The following CMIP variants were observed in gnomAD, a reference collection of about 807,000 sequenced individuals.
The protein encoded by CMIP is C-Maf-inducing protein.
In CMIP, 13 loss-of-function variants were observed where a neutral mutation model predicts 97.3. The ratio of observed to expected loss-of-function variants is 0.13; its 90% CI spans 0.09 to 0.21. The LOEUF is 0.21. CMIP is among the 10% of genes least tolerant of loss of function. The pLI is 1.00. For missense variants in CMIP, 847 were observed against 1,024.9 expected, an observed-to-expected ratio of 0.83 and a Z score of 2.37; for synonymous variants, 538 against 436.3, an observed-to-expected ratio of 1.23 and a Z score of -2.91.
At chr16:81,639,426 C>G (rs187100172) in intron 3 of CMIP, among the ~76,000 whole-genome samples, 12 of 152,220 alleles carry the variant, frequency 7.9e-5, no homozygotes, top group African/African-American at 2.7e-4. Context: ...TCCCCCAGCC[C>G]CTGGCATCCA....
intron 1 of CMIP, among the ~76,000 whole-genome samples, chr16:81,515,527 G>A (rs867593767): frequency 5.5e-4 from 84 of 152,288 alleles, no homozygotes; most frequent in African/African-American, 1.8e-3. Flanking sequence ...CAGGGCCAGG[G>A]CTGGGGATAA....
intron 9 of CMIP, among the ~76,000 whole-genome samples, chr16:81,676,560 C>G (rs1037589642): frequency 5.3e-5 from 8 of 152,162 alleles, no homozygotes; most frequent in African/African-American, 1.9e-4. Context: ...CAGATCTGGA[C>G]CAGAGAATTT....
In CMIP at chr16:81,458,780, G is replaced by C. The variant is rs537549673; in HGVS notation, c.300+13239G>C. Reference sequence around the variant, plus strand: ...GCCATTTAACCAGTGGTGTGATCCAGCTCTCAGTTTCCTCATCTGAAAGCT... The same window carrying C: ...GCCATTTAACCAGTGGTGTGATCCACCTCTCAGTTTCCTCATCTGAAAGCT... On this transcript the variant is annotated intron_variant, in intron 1 of 20. Transcript: ENST00000537098. Among the ~76,000 whole-genome samples, 5 of 152,282 alleles carry C rather than the reference G, an allele frequency of 3.3e-5. No individual in the cohort carries two copies. The South Asian group carries it at 8.3e-4, about 25-fold the overall frequency.
intron 7 of CMIP, among the ~76,000 whole-genome samples, chr16:81,667,561 A>G (rs1192056755): frequency 2.0e-5 from 3 of 152,162 alleles, no homozygotes; most frequent in Admixed American, 6.5e-5. Flanking sequence ...CTAAGATGAC[A>G]GTTACCTTAA....
intron 15 of CMIP, 105 bp downstream of exon 15, chr16:81,699,906 G>A (rs1023482972): frequency 1.3e-6 from 1 of 746,652 alleles, no homozygotes; most frequent in Admixed American, 2.2e-5. Context: ...GGCACGGGGG[G>A]CAGTGGGTGA....
chr16:81,490,319 C>T (rs901161222), intron 1 of CMIP, among the ~76,000 whole-genome samples: 1 of 152,224 alleles, frequency 6.6e-6, no homozygotes, highest in Non-Finnish European at 1.5e-5. Context: ...AACAAACCAG[C>T]ATACAAATGC....
intron 1 of CMIP, among the ~76,000 whole-genome samples, chr16:81,583,998 A>G (rs2091339644): frequency 6.6e-6 from 1 of 152,214 alleles, no homozygotes; most frequent in African/African-American, 2.4e-5. Flanking sequence ...GAGGTAGGAT[A>G]GAGGGCAAGG....
At chr16:81,447,094 G>A (rs1277971002) in intron 1 of CMIP, among the ~76,000 whole-genome samples, 10 of 152,174 alleles carry the variant, frequency 6.6e-5, no homozygotes. Flanking sequence ...GATGGAGGCG[G>A]GAGAGAGCCT....
chr16:81,530,390 C>T lies in CMIP; in HGVS notation c.301-77177C>T, dbSNP rs562651031. Among the ~76,000 whole-genome samples the T allele has an allele frequency of 2.6e-5, 4 of 152,192 alleles. 1 individual carries two copies. Among genetic ancestry groups the T allele is most frequent in the African/African-American group, 9.6e-5 (4 of 41,526 alleles). Reference sequence around the variant, plus strand: ...TGTTCCTCCCGTCTCGCCTCTGTTGCGCTGCAAGGTGGGGTGTGTAGTGAG... The same window carrying T: ...TGTTCCTCCCGTCTCGCCTCTGTTGTGCTGCAAGGTGGGGTGTGTAGTGAG... On this transcript the variant is annotated intron_variant, in intron 1 of 20. Transcript: ENST00000537098.
chr16:81,670,081 T>C (rs2092667299), intron 7 of CMIP, 61 bp from the exon 8 acceptor site: 2 of 1,508,498 alleles, frequency 1.3e-6, no homozygotes, highest in Non-Finnish European at 1.8e-6. Context: ...GTGTCCTGGC[T>C]GCCCTGGGCT....
At position 81,556,702 on chromosome 16, in the gene CMIP, G is replaced by A. The variant is rs575087244; in HGVS notation, c.301-50865G>A. ...CGATGGTTGCACAGCAGTGTGGATG[G>A]ACCAAATGCCACTGAACCGTACACT... On this transcript the variant is annotated intron_variant, in intron 1 of 20. Coordinates refer to ENST00000537098, the MANE Select transcript of CMIP (RefSeq NM_198390.3). Among the ~76,000 whole-genome samples the A allele has an allele frequency of 1.2e-3, 181 of 152,288 alleles. 3 individuals are homozygous for A. The highest frequency in any genetic ancestry group is 4.1e-3 in the African/African-American group (171 of 41,558).
chr16:81,589,935 C>A (rs1366113505), intron 1 of CMIP, among the ~76,000 whole-genome samples: 1 of 152,230 alleles, frequency 6.6e-6, no homozygotes, highest in Non-Finnish European at 1.5e-5. Flanking sequence ...CTGGGTCCCT[C>A]AAGATCTCAG....
At chr16:81,481,367 A>G (rs762699760) in intron 1 of CMIP, among the ~76,000 whole-genome samples, 28 of 152,250 alleles carry the variant, frequency 1.8e-4, no homozygotes, top group Non-Finnish European at 3.7e-4. Context: ...GACTGTGTGT[A>G]ACAGATGAGG....
rs1904485162 is a variant in CMIP, at chr16:81,678,357, C to T, written c.1117C>T (p.Leu373Phe). 2 of 1,613,252 alleles carry T rather than the reference C, an allele frequency of 1.2e-6. No individual in the cohort carries two copies. Among genetic ancestry groups the T allele is most frequent in the Admixed American group, 1.7e-5 (1 of 59,954 alleles). The change falls in exon 10 of 21, where the codon CTT becomes TTT. Residue 373 changes from leucine to phenylalanine, a missense_variant. Physicochemically the swap from Leu to Phe is conservative, Grantham distance 22 (BLOSUM62 0). Coordinates refer to ENST00000537098, the MANE Select transcript of CMIP (RefSeq NM_198390.3). ...CCGGAAGCCCACTTTACCTCTGCGC[C>T]TTCTGCACCCCAGCCCGGACCTGGT... is the stretch of plus-strand genomic sequence containing the variant. ...CDRKPTLPLRLLHPSPDLVSQ... is the reference protein window; with the variant it reads ...CDRKPTLPLRFLHPSPDLVSQ...
chr16:81,667,883 G>A (rs1040121027), intron 7 of CMIP, among the ~76,000 whole-genome samples: 5 of 149,898 alleles, frequency 3.3e-5, no homozygotes, highest in Admixed American at 6.7e-5. Flanking sequence ...AACTTGCTCC[G>A]GGGGCTCTGC....
chr16:81,495,450 G>T, intron 1 of CMIP: 1 of 1,611,496 alleles, frequency 6.2e-7, no homozygotes, highest in African/African-American at 1.3e-5. Flanking sequence ...GGAAGTTACA[G>T]ATCTCCGCCC....
chr16:81,576,685 A>G (rs535250819), intron 1 of CMIP, among the ~76,000 whole-genome samples: 60 of 152,220 alleles, frequency 3.9e-4, no homozygotes, highest in African/African-American at 1.3e-3. Context: ...TTGCTGCAGA[A>G]TGATGTCTCC....
intron 1 of CMIP, among the ~76,000 whole-genome samples, chr16:81,505,958 G>A (rs2089701716): frequency 1.3e-5 from 2 of 152,218 alleles, no homozygotes; most frequent in Non-Finnish European, 2.9e-5. Flanking sequence ...TTGTGCCATT[G>A]CACTCCAGCC....
At chr16:81,651,430 G>GA in intron 3 of CMIP, 2 of 972,210 alleles carry the variant, frequency 2.1e-6, no homozygotes, top group Non-Finnish European at 2.4e-6. Flanking sequence ...AAGCAAAGGT[G>GA]AGAGCACTCT....
Sources: gnomAD v4.1 joint callset for allele counts (sites outside exome capture counted in the v4.1 genomes callset) on GRCh38, gnomAD v4.1.1 for gene constraint, MANE v1.5 for transcripts, NCBI Gene and HGNC (gene_info 2026-07-23, HGNC 2026-07-21) for gene names.